The following EYS variants were observed in gnomAD, a reference collection of about 807,000 sequenced individuals.
EYS encodes protein eyes shut homolog.
A neutral mutation model predicts 282.1 loss-of-function variants in EYS; 250 were observed. The observed-to-expected ratio is 0.89, with a 90% CI of 0.80 to 0.98. EYS has a LOEUF of 0.98. Ranked by LOEUF, EYS falls within the 50% of genes least tolerant of loss-of-function variation. EYS has a pLI of 0.00. For synonymous variants in EYS, 1,355 were observed against 1,282.9 expected (o/e 1.06, Z -1.20); for missense variants, 4,016 against 3,709.0 (o/e 1.08, Z -2.15).
At chr6:65,061,257 A>G (rs541206371) in intron 12 of EYS, among the ~76,000 whole-genome samples, 1 of 151,988 alleles carries the variant, frequency 6.6e-6, no homozygotes, top group Admixed American at 6.6e-5. Context: ...CTTATTTGAC[A>G]AATAAATTAA....
chr6:64,881,565 C>T (rs1306485499), intron 19 of EYS, among the ~76,000 whole-genome samples: 2 of 151,764 alleles, frequency 1.3e-5, no homozygotes, highest in Non-Finnish European at 2.9e-5. Flanking sequence ...TCTCTCTTTA[C>T]CGTAACATAA....
At chr6:64,273,467 A>G (rs1028602074) in intron 30 of EYS, among the ~76,000 whole-genome samples, 2 of 151,790 alleles carry the variant, frequency 1.3e-5, no homozygotes, top group South Asian at 2.1e-4. Flanking sequence ...TTAACTAACT[A>G]TATAGTCTCT....
chr6:63,980,271 T>G (rs888175777), intron 35 of EYS, among the ~76,000 whole-genome samples: 3 of 151,702 alleles, frequency 2.0e-5, no homozygotes, highest in South Asian at 2.1e-4. Context: ...CAAGAGTGTG[T>G]GTGTGTGTGT....
chr6:65,459,907 G>A (rs1287539942), intron 5 of EYS, among the ~76,000 whole-genome samples: 1 of 145,426 alleles, frequency 6.9e-6, no homozygotes, highest in Non-Finnish European at 1.5e-5. Context: ...GATTACTACT[G>A]TATCTTTTCT....
chr6:63,744,244 G>T (rs1247359178), intron 41 of EYS: 1 of 152,030 alleles, frequency 6.6e-6, no homozygotes, highest in Non-Finnish European at 1.5e-5. Flanking sequence ...ATGATATTGG[G>T]CATACCTCAT....
Position 63,796,021 on chromosome 6 carries a change from C to T in EYS, c.7412-6797G>A, listed in dbSNP as rs539832535. Among the ~76,000 whole-genome samples the T allele has an allele frequency of 2.0e-5, 3 of 152,250 alleles. No homozygotes were observed. In the South Asian group the frequency reaches 6.2e-4, roughly 32 times the overall value. ...TGAAGGATGGCCTGGACAAGAGTAG[C>T]TAGTGGTTCAAGCCATGGATTCATT... On this transcript the variant is annotated intron_variant, in intron 37 of 42. Transcript: ENST00000503581.
intron 26 of EYS, among the ~76,000 whole-genome samples, chr6:64,581,129 C>A (rs967031840): frequency 1.3e-5 from 2 of 151,486 alleles, no homozygotes; most frequent in South Asian, 2.1e-4. Flanking sequence ...AGACAAATTG[C>A]GGAATAAAGG....
chr6:64,114,407 G>C (rs77845914), intron 31 of EYS, among the ~76,000 whole-genome samples: 10,054 of 152,108 alleles, frequency 0.066, 1,004 homozygotes, highest in African/African-American at 0.22. Context: ...AAGACTCCAG[G>C]CTTCATCCTG....
intron 5 of EYS, among the ~76,000 whole-genome samples, chr6:65,461,346 G>T (rs1245395233): frequency 6.6e-6 from 1 of 152,066 alleles, no homozygotes; most frequent in Non-Finnish European, 1.5e-5. Context: ...CTCAACATTT[G>T]TTAGTCATAG....
At chr6:65,524,257 T>C (rs1288902344) in intron 2 of EYS, among the ~76,000 whole-genome samples, 3 of 152,148 alleles carry the variant, frequency 2.0e-5, no homozygotes, top group African/African-American at 7.2e-5. Flanking sequence ...TTCAGAGGCA[T>C]GAGGAGTCCA....
intron 4 of EYS, chr6:65,491,534 T>C (rs1489583746): frequency 2.4e-6 from 1 of 412,684 alleles, no homozygotes. Flanking sequence ...CCTTATATAC[T>C]GACATCCCTG....
At position 64,340,256 on chromosome 6, in the gene EYS, A is replaced by G. The variant is rs79889546; in HGVS notation, c.6079-33174T>C. Among the ~76,000 whole-genome samples, 1,240 of 151,854 alleles carry G rather than the reference A, an allele frequency of 8.2e-3. 18 individuals are homozygous for G. Among genetic ancestry groups the G allele is most frequent in the East Asian group, 0.049 (252 of 5,152 alleles). On this transcript the variant is annotated intron_variant, in intron 29 of 42. Coordinates refer to ENST00000503581, the MANE Select transcript of EYS (RefSeq NM_001142800.2). ...CATACAGAATCAAAAAAGAAGCCAA[A>G]TAGCCAAATCAATTCTAAGCAAAAA...
At chr6:64,950,017 A>C (rs1175793852) in intron 14 of EYS, among the ~76,000 whole-genome samples, 1 of 151,950 alleles carries the variant, frequency 6.6e-6, no homozygotes, top group Non-Finnish European at 1.5e-5. Flanking sequence ...GATTGGCTCA[A>C]ACCTATTCAT....
intron 8 of EYS, among the ~76,000 whole-genome samples, chr6:65,376,175 C>G (rs1479062085): frequency 6.6e-6 from 1 of 152,148 alleles, no homozygotes; most frequent in African/African-American, 2.4e-5. Flanking sequence ...AACAGTGGGT[C>G]TCTCTGCACA....
At chr6:64,766,064 T>TA (rs563936477) in intron 22 of EYS, among the ~76,000 whole-genome samples, 11 of 151,558 alleles carry the variant, frequency 7.3e-5, no homozygotes, top group Non-Finnish European at 1.3e-4. Context: ...ATAATATTTG[T>TA]AAAAAAAACA....
At chr6:65,440,730 C>T (rs969626492) in intron 5 of EYS, among the ~76,000 whole-genome samples, 2 of 150,592 alleles carry the variant, frequency 1.3e-5, no homozygotes, top group Non-Finnish European at 3.0e-5. Flanking sequence ...CATATAGTAT[C>T]GTTGAGAAAT....
intron 27 of EYS, among the ~76,000 whole-genome samples, chr6:64,436,878 T>C (rs909542326): frequency 4.7e-4 from 71 of 151,946 alleles, no homozygotes; most frequent in African/African-American, 1.6e-3. Context: ...TTAGCAAGCA[T>C]GTGCCTACAG....
At chr6:65,060,782 GTA>G (rs3065332) in intron 12 of EYS, among the ~76,000 whole-genome samples, 43,975 of 143,432 alleles carry the variant, frequency 0.31, 7,074 homozygotes, top group African/African-American at 0.42. Context: ...ATATATATGT[GTA>G]TATATATATA....
chr6:63,806,112 A>G, intron 37 of EYS, 78 bp downstream of exon 37: 1 of 1,260,454 alleles, frequency 7.9e-7, no homozygotes, highest in South Asian at 1.5e-5. Flanking sequence ...TACCACAGCC[A>G]ATTAGAGTGT....
Sources: gnomAD v4.1 joint callset for allele counts (sites outside exome capture counted in the v4.1 genomes callset) on GRCh38, gnomAD v4.1.1 for gene constraint, MANE v1.5 for transcripts, NCBI Gene and HGNC (gene_info 2026-07-23, HGNC 2026-07-21) for gene names.